Variants in AHCTF1 observed in about 807,000 individuals in gnomAD.
AHCTF1 encodes the protein protein ELYS.
A neutral mutation model predicts 248.4 loss-of-function variants in AHCTF1; 24 were observed. That is an observed-to-expected ratio of 0.10 (90% confidence interval 0.07 to 0.14). The LOEUF is 0.14. Ranked by LOEUF, AHCTF1 falls within the 10% of genes least tolerant of loss-of-function variation. AHCTF1 has a pLI of 1.00. For missense variants in AHCTF1, 2,206 were observed against 2,636.2 expected, an observed-to-expected ratio of 0.84 and a Z score of 3.57; for synonymous variants, 786 against 929.8, an observed-to-expected ratio of 0.85 and a Z score of 2.81.
chr1:246,904,036 G>A lies in AHCTF1; in HGVS notation c.882-3C>T. Reference sequence around the variant, plus strand: ...GCAAACTCAAAACATCCCCTTCACTGAAACAGAAATTAACGAAGACACGCT... The same window carrying A: ...GCAAACTCAAAACATCCCCTTCACTAAAACAGAAATTAACGAAGACACGCT... On this transcript the variant is annotated splice_polypyrimidine_tract_variant and splice_region_variant and intron_variant, in intron 6 of 35. Transcript: ENST00000648844. 1 of 1,613,106 alleles carries A rather than the reference G, an allele frequency of 6.2e-7. No individual in the cohort carries two copies. Among genetic ancestry groups the A allele is most frequent in the Non-Finnish European group, 8.5e-7 (1 of 1,179,204 alleles).
chr1:246,852,614 T>C (rs908278753), intron 32 of AHCTF1, among the ~76,000 whole-genome samples: 1 of 152,156 alleles, frequency 6.6e-6, no homozygotes, highest in Non-Finnish European at 1.5e-5. Flanking sequence ...GTCAATCCTG[T>C]GTAACTGTAT....
At chr1:246,847,568 T>C (rs1660373094) in intron 33 of AHCTF1, among the ~76,000 whole-genome samples, 1 of 152,172 alleles carries the variant, frequency 6.6e-6, no homozygotes, top group Admixed American at 6.5e-5. Flanking sequence ...CACACGATCA[T>C]GGCTCACTGC....
intron 24 of AHCTF1, among the ~76,000 whole-genome samples, chr1:246,868,991 C>G (rs533215428): frequency 1.3e-5 from 2 of 150,010 alleles, no homozygotes; most frequent in Admixed American, 6.6e-5. Context: ...ACTACAGGCG[C>G]CCGCCACCAT....
intron 4 of AHCTF1, among the ~76,000 whole-genome samples, chr1:246,908,636 T>C (rs889991086): frequency 2.7e-5 from 4 of 150,742 alleles, no homozygotes; most frequent in Middle Eastern, 3.4e-3. Flanking sequence ...GCCTGTAATC[T>C]CAGCACTTTG....
At chr1:246,846,269 C>G (rs1660251202) in intron 33 of AHCTF1, among the ~76,000 whole-genome samples, 1 of 151,636 alleles carries the variant, frequency 6.6e-6, no homozygotes, top group Non-Finnish European at 1.5e-5. Flanking sequence ...TACCTATACC[C>G]AGTCTTCTCG....
Position 246,908,683 on chromosome 1 carries a change from T to G in AHCTF1, c.557-925A>C, listed in dbSNP as rs183426083. On this transcript the variant is annotated intron_variant, in intron 4 of 35. Coordinates refer to ENST00000648844, the MANE Select transcript of AHCTF1 (RefSeq NM_001323342.2). ...TGGGCGGATCACAAGGTCAGGAGATTGAGACCATCCTGGCTAACACGGTGA... is the reference window on the plus strand; with the variant it reads ...TGGGCGGATCACAAGGTCAGGAGATGGAGACCATCCTGGCTAACACGGTGA... Among the ~76,000 whole-genome samples, 133 of 149,430 alleles carry G rather than the reference T, an allele frequency of 8.9e-4. 1 individual carries two copies. The highest frequency in any genetic ancestry group is 3.1e-3 in the African/African-American group (125 of 40,400).
Position 246,891,901 on chromosome 1 carries a change from C to T in AHCTF1, c.1823G>A (p.Gly608Asp), listed in dbSNP as rs1418171164. The T allele has an allele frequency of 1.9e-6, 3 of 1,595,424 alleles. No individual in the cohort carries two copies. The highest frequency in any genetic ancestry group is 2.6e-6 in the Non-Finnish European group (3 of 1,174,836). ...FDRLCVPLFD[G>D]SCHFMDPQTI... Reference sequence around the variant, plus strand: ...TTGTGGATCCATGAAATGACACGAACCATCAAATAATGGCACACCTTTCAA... The same window carrying T: ...TTGTGGATCCATGAAATGACACGAATCATCAAATAATGGCACACCTTTCAA... The change falls in exon 15 of 36, where the codon GGT (glycine) becomes GAT (aspartate). Residue 608 changes from glycine to aspartate, a missense_variant. Gly to Asp is a moderately conservative substitution (Grantham distance 94). Around this residue, in one of 6 missense-constraint regions of AHCTF1, gnomAD observed 650 missense variants for 870.8 expected, o/e 0.75. Transcript: ENST00000648844.
At chr1:246,907,837 C>A in intron 4 of AHCTF1, 79 bp from the exon 5 acceptor site, 1 of 1,221,404 alleles carries the variant, frequency 8.2e-7, no homozygotes, top group Non-Finnish European at 1.2e-6. Context: ...ATTATTCAAG[C>A]TGCAAATGAA....
chr1:246,872,051 C>CAAAAAAAAAAAA (rs753977798), intron 24 of AHCTF1, among the ~76,000 whole-genome samples: 1 of 83,732 alleles, frequency 1.2e-5, no homozygotes. Context: ...CTATTAATGA[C>CAAAAAAAAAAAA]AAAAAAAAAA....
intron 24 of AHCTF1, among the ~76,000 whole-genome samples, chr1:246,868,190 A>G (rs966538867): frequency 2.7e-5 from 4 of 148,772 alleles, no homozygotes; most frequent in African/African-American, 1.0e-4. Context: ...GTGCAGTGGC[A>G]CAATCTTGGC....
intron 21 of AHCTF1, among the ~76,000 whole-genome samples, chr1:246,880,031 G>A (rs1367438860): frequency 6.6e-6 from 1 of 152,120 alleles, no homozygotes; most frequent in East Asian, 1.9e-4. Context: ...TGTTAAAAGG[G>A]TTTAGTGGGA....
intron 8 of AHCTF1, among the ~76,000 whole-genome samples, chr1:246,902,286 T>C (rs1287296522): frequency 6.6e-6 from 1 of 152,208 alleles, no homozygotes; most frequent in Non-Finnish European, 1.5e-5. Context: ...GGATCGCCTG[T>C]TTTGAGAACT....
intron 6 of AHCTF1, among the ~76,000 whole-genome samples, chr1:246,904,574 G>A (rs988296805): frequency 6.6e-6 from 1 of 152,134 alleles, no homozygotes; most frequent in Non-Finnish European, 1.5e-5. Context: ...GTATGGGAAG[G>A]AGAACGGGCA....
intron 24 of AHCTF1, 93 bp from the exon 25 acceptor site, chr1:246,867,904 C>A (rs1572388447): frequency 1.3e-5 from 4 of 308,806 alleles, no homozygotes; most frequent in East Asian, 9.5e-5. Context: ...CCCCCCCCCA[C>A]ACACACACAC....
At chr1:246,882,686 T>C (rs1663537070) in intron 21 of AHCTF1, among the ~76,000 whole-genome samples, 1 of 152,226 alleles carries the variant, frequency 6.6e-6, no homozygotes, top group Admixed American at 6.5e-5. Context: ...TTCTTGTACA[T>C]TTATGATCCT....
At chr1:246,914,369 A>C (rs573253691) in intron 3 of AHCTF1, among the ~76,000 whole-genome samples, 2 of 152,196 alleles carry the variant, frequency 1.3e-5, no homozygotes, top group African/African-American at 4.8e-5. Context: ...AAAATATCTG[A>C]TATCAATGAT....
chr1:246,845,473 T>C (rs907500850), intron 33 of AHCTF1, among the ~76,000 whole-genome samples: 9 of 152,206 alleles, frequency 5.9e-5, no homozygotes, highest in Non-Finnish European at 1.3e-4. Context: ...GTGGTCTCTC[T>C]CTTGGCTTCA....
Position 246,847,307 on chromosome 1 carries a change from A to AC in AHCTF1, c.6391+2307_6391+2308insG, listed in dbSNP as rs138359914. ...TCCATCTCAAAAAAAAAAAACAAAC[A>AC]AAAAAAAAACTGAAAATGCTCATGA... On this transcript the variant is annotated intron_variant, in intron 33 of 35. Coordinates refer to ENST00000648844, the MANE Select transcript of AHCTF1 (RefSeq NM_001323342.2). Among the ~76,000 whole-genome samples, 80 of 49,972 alleles carry AC rather than the reference A, an allele frequency of 1.6e-3. 1 individual carries two copies. In the African/African-American group the frequency reaches 0.021, roughly 13 times the overall value. The allele number at this position is 49,972 out of a possible 152,430, so 32.8% of individuals were successfully genotyped here. A position where few individuals can be genotyped will look rare whatever the true frequency, so the allele number is the denominator to read the frequency against.
intron 21 of AHCTF1, among the ~76,000 whole-genome samples, chr1:246,884,725 A>G (rs1052621100): frequency 6.6e-6 from 1 of 152,238 alleles, no homozygotes; most frequent in African/African-American, 2.4e-5. Context: ...TAAAATCTGC[A>G]AAAGGCAGAA....
Sources: allele counts gnomAD v4.1 joint callset (sites outside exome capture counted in the v4.1 genomes callset), GRCh38; gene constraint gnomAD v4.1.1; regional missense constraint gnomAD v4.1.1; transcripts MANE v1.5; gene names NCBI Gene and HGNC (gene_info 2026-07-23, HGNC 2026-07-21).